Variants in SLC7A14 observed in about 807,000 individuals in gnomAD.
The protein encoded by SLC7A14 is gamma-aminobutyric acid transporter SLC7A14.
Under a neutral mutation model 60.2 loss-of-function variants are expected in SLC7A14, and 37 were observed. The observed-to-expected ratio is 0.61, with a 90% CI of 0.47 to 0.81. The LOEUF (loss-of-function observed/expected upper bound fraction) is 0.81. SLC7A14 is among the 30% of genes least tolerant of loss of function. The probability of loss-of-function intolerance (pLI) is 0.00; values close to 1 mark genes in which losing one functional copy is unlikely to be tolerated. For synonymous variants in SLC7A14, 399 were observed against 395.8 expected (o/e 1.01, Z -0.10); for missense variants, 886 against 982.7 (o/e 0.90, Z 1.32).
chr3:170,474,889 A>G (rs1384104328), intron 7 of SLC7A14, among the ~76,000 whole-genome samples: 2 of 152,216 alleles, frequency 1.3e-5, no homozygotes, highest in African/African-American at 4.8e-5. Flanking sequence ...TGGTAAGGGC[A>G]AGCTATTCTA....
intron 4 of SLC7A14, among the ~76,000 whole-genome samples, chr3:170,486,657 A>G (rs1212555949): frequency 6.6e-6 from 1 of 152,140 alleles, no homozygotes; most frequent in Non-Finnish European, 1.5e-5. Flanking sequence ...GTGGATCACG[A>G]GGTCAGGAGT....
Position 170,467,096 on chromosome 3 carries a change from CCT to C in SLC7A14, c.2273_2274del (p.Glu758GlyfsTer6), listed in dbSNP as rs1451995777. ...KSKSKHKQNSEALIANDELDY... is the reference protein window; with the variant it reads ...KSKSKHKQNSXALIANDELDY... ...TCTAACTCATCATTTGCAATCAGGG[CCT>C]CTGAGTTCTGTTTGTGTTTGCTTTT... On this transcript the variant is annotated frameshift_variant, in exon 8 of 8. Transcript: ENST00000231706. LOFTEE classifies it high-confidence loss of function. The C allele has an allele frequency of 3.7e-6, 6 of 1,613,610 alleles. No homozygotes were observed. Among genetic ancestry groups the C allele is most frequent in the Non-Finnish European group, 5.1e-6 (6 of 1,179,868 alleles).
At chr3:170,527,273 G>A (rs781603624) in intron 1 of SLC7A14, among the ~76,000 whole-genome samples, 185 bp from the exon 2 acceptor site, 7 of 152,130 alleles carry the variant, frequency 4.6e-5, no homozygotes, top group African/African-American at 7.2e-5. Context: ...GACTGCCGGC[G>A]CGTGCACTGT....
intron 1 of SLC7A14, among the ~76,000 whole-genome samples, chr3:170,559,820 C>A (rs1189975003): frequency 6.6e-6 from 1 of 152,202 alleles, no homozygotes; most frequent in Non-Finnish European, 1.5e-5. Context: ...CAGTCTCACA[C>A]AATGTGTAGT....
intron 2 of SLC7A14, among the ~76,000 whole-genome samples, chr3:170,525,977 T>A (rs1457087555): frequency 1.3e-5 from 2 of 150,940 alleles, no homozygotes; most frequent in Admixed American, 1.3e-4. Context: ...AGGCTGAGGC[T>A]AAAGCAGAAG....
chr3:170,576,797 A>G (rs1314605345), intron 1 of SLC7A14, among the ~76,000 whole-genome samples: 2 of 152,088 alleles, frequency 1.3e-5, no homozygotes, highest in Non-Finnish European at 2.9e-5. Flanking sequence ...AACATTCTAG[A>G]TCCCAGTCCA....
intron 4 of SLC7A14, among the ~76,000 whole-genome samples, chr3:170,486,573 A>G (rs1336488867): frequency 1.3e-5 from 2 of 152,144 alleles, no homozygotes; most frequent in Non-Finnish European, 2.9e-5. Flanking sequence ...ATGATGTGTA[A>G]ATAGAGATAA....
At chr3:170,540,808 T>C (rs1713998138) in intron 1 of SLC7A14, among the ~76,000 whole-genome samples, 1 of 152,248 alleles carries the variant, frequency 6.6e-6, no homozygotes, top group South Asian at 2.1e-4. Context: ...GCTATTCAAC[T>C]GATTAGTGCT....
At chr3:170,483,692 T>C (rs1211916204) in intron 5 of SLC7A14, among the ~76,000 whole-genome samples, 170 bp from the exon 6 acceptor site, 2 of 152,256 alleles carry the variant, frequency 1.3e-5, no homozygotes, top group Non-Finnish European at 2.9e-5. Context: ...ATCTGGCCTC[T>C]AGGCCTTGCT....
chr3:170,573,167 G>A (rs772822970), intron 1 of SLC7A14, among the ~76,000 whole-genome samples: 2 of 152,212 alleles, frequency 1.3e-5, no homozygotes, highest in Admixed American at 6.5e-5. Flanking sequence ...CCAGATCATA[G>A]TGCCCTCTGA....
At chr3:170,486,640 G>A (rs960218866) in intron 4 of SLC7A14, among the ~76,000 whole-genome samples, 3 of 151,922 alleles carry the variant, frequency 2.0e-5, no homozygotes, top group Admixed American at 1.3e-4. Flanking sequence ...TTGAGAGGCC[G>A]ATGGGGGTGG....
At chr3:170,575,453 T>A (rs189820828) in intron 1 of SLC7A14, among the ~76,000 whole-genome samples, 17 of 152,336 alleles carry the variant, frequency 1.1e-4, no homozygotes, top group Non-Finnish European at 2.2e-4. Flanking sequence ...CTGAAGAGAA[T>A]GCTGTATGTA....
At position 170,567,255 on chromosome 3, in the gene SLC7A14, G is replaced by A. The variant is rs1425636845; in HGVS notation, c.-153+18656C>T. Among the ~76,000 whole-genome samples the A allele has an allele frequency of 6.0e-5, 9 of 149,414 alleles. No homozygotes were observed. In the East Asian group the frequency reaches 9.9e-4, roughly 16 times the overall value. Reference sequence around the variant, plus strand: ...TTCCCACCTATGAGTGAGAATATGCGGTGTTTTGTTTTTTGTCCTTGCGAT... The same window carrying A: ...TTCCCACCTATGAGTGAGAATATGCAGTGTTTTGTTTTTTGTCCTTGCGAT... On this transcript the variant is annotated intron_variant, in intron 1 of 7. Coordinates refer to ENST00000231706, the MANE Select transcript of SLC7A14 (RefSeq NM_020949.3).
At position 170,480,920 on chromosome 3, in the gene SLC7A14, G is replaced by C. The variant is rs1324415475; in HGVS notation, c.1362C>G (p.Gly454=). 1 of 1,613,906 alleles carries C rather than the reference G, an allele frequency of 6.2e-7. No homozygotes were observed. The highest frequency in any genetic ancestry group is 8.5e-7 in the Non-Finnish European group (1 of 1,179,994). The change falls in exon 7 of 8, where the codon GGC becomes GGG. Residue 454 remains glycine, a synonymous_variant. Transcript: ENST00000231706. ...LSEEHTKKKE[G]ILADCEKEAC... ...CTTCCTTCTCACAGTCAGCCAGAAT[G>C]CCCTCCTTCTTCTTGGTGTGCTCCT... is the stretch of plus-strand genomic sequence containing the variant.
chr3:170,524,977 T>G (rs1281832686), intron 2 of SLC7A14, among the ~76,000 whole-genome samples: 1 of 152,256 alleles, frequency 6.6e-6, no homozygotes, highest in Non-Finnish European at 1.5e-5. Context: ...GTTGCATGCT[T>G]GTAGTCTGTC....
intron 2 of SLC7A14, among the ~76,000 whole-genome samples, chr3:170,502,629 A>G (rs1712651392): frequency 4.6e-5 from 7 of 152,200 alleles, no homozygotes; most frequent in Admixed American, 4.6e-4. Flanking sequence ...TTAAGGGCCA[A>G]CCCTGAAGTT....
At chr3:170,511,707 C>T (rs1712985270) in intron 2 of SLC7A14, among the ~76,000 whole-genome samples, 1 of 152,098 alleles carries the variant, frequency 6.6e-6, no homozygotes, top group African/African-American at 2.4e-5. Context: ...AGGTTGGAAG[C>T]AAGTATTGTT....
At chr3:170,522,008 A>G (rs1428525579) in intron 2 of SLC7A14, among the ~76,000 whole-genome samples, 1 of 152,230 alleles carries the variant, frequency 6.6e-6, no homozygotes, top group Non-Finnish European at 1.5e-5. Flanking sequence ...ATAAACTCAT[A>G]GAAAGATGTC....
At chr3:170,477,997 A>T (rs879021885) in intron 7 of SLC7A14, among the ~76,000 whole-genome samples, 2 of 152,216 alleles carry the variant, frequency 1.3e-5, no homozygotes, top group Admixed American at 1.3e-4. Context: ...TAGAATCTGC[A>T]TTGGCTAGCT....
Sources: gnomAD v4.1 joint callset for allele counts (sites outside exome capture counted in the v4.1 genomes callset) on GRCh38, gnomAD v4.1.1 for gene constraint, MANE v1.5 for transcripts, NCBI Gene and HGNC (gene_info 2026-07-23, HGNC 2026-07-21) for gene names.